The following CAPRIN1 variants were observed in gnomAD, a reference collection of about 807,000 sequenced individuals.
The protein encoded by CAPRIN1 is caprin-1.
In CAPRIN1, 29 loss-of-function variants were observed where a neutral mutation model predicts 100.9. The observed-to-expected ratio is 0.29, with a 90% confidence interval of 0.21 to 0.39. The LOEUF (loss-of-function observed/expected upper bound fraction) is 0.39. CAPRIN1 is among the 10% of genes least tolerant of loss of function. The pLI is 1.00. For synonymous variants in CAPRIN1, 338 were observed against 307.5 expected (o/e 1.10, Z -1.04); for missense variants, 795 against 876.7 (o/e 0.91, Z 1.18).
chr11:34,076,734 T>A, intron 6 of CAPRIN1, 92 bp downstream of exon 6: 1 of 938,736 alleles, frequency 1.1e-6, no homozygotes, highest in Non-Finnish European at 1.6e-6. Context: ...AGAAAAAAAT[T>A]AGTTTTTTTT....
At chr11:34,076,995 A>G (rs1362081274) in intron 6 of CAPRIN1, among the ~76,000 whole-genome samples, 1 of 152,224 alleles carries the variant, frequency 6.6e-6, no homozygotes, top group Non-Finnish European at 1.5e-5. Context: ...TGGGCCTCCC[A>G]GAGTGCTGGG....
rs1278025400 is a variant in CAPRIN1, at chr11:34,066,800, AT to A, written c.217-4914del. On this transcript the variant is annotated intron_variant, in intron 2 of 18. Transcript: ENST00000341394. The stretch of plus-strand genomic sequence containing the variant: ...GCCACCATGCCTGGCTAATTTTTGT[AT>A]TTTTTTTTTTTCAGTAGAGTTAGGG... 5.3e-3 allele frequency among the ~76,000 whole-genome samples: 694 copies of A among 129,924 alleles called. 5 individuals carry two copies. The highest frequency in any genetic ancestry group is 0.017 in the African/African-American group (590 of 34,694). The allele number at this position is 129,924 out of a possible 152,430, so 85.2% of individuals were successfully genotyped here. A position where few individuals can be genotyped will look rare whatever the true frequency, so the allele number is the denominator to read the frequency against.
At chr11:34,069,294 T>C (rs998069277) in intron 2 of CAPRIN1, among the ~76,000 whole-genome samples, 1 of 151,740 alleles carries the variant, frequency 6.6e-6, no homozygotes, top group African/African-American at 2.4e-5. Context: ...GGATTACAAG[T>C]GCGCGCCACC....
chr11:34,083,391 C>G (rs925843803), intron 9 of CAPRIN1, among the ~76,000 whole-genome samples: 2 of 152,170 alleles, frequency 1.3e-5, no homozygotes, highest in Non-Finnish European at 2.9e-5. Context: ...CCTCCTTTAC[C>G]CTAATGCTGT....
chr11:34,063,013 A>G (rs1403053113), intron 2 of CAPRIN1: 3 of 151,960 alleles, frequency 2.0e-5, no homozygotes, highest in Admixed American at 6.6e-5. Flanking sequence ...TTCTTCTTAA[A>G]TTTTTTATTT....
chr11:34,073,142 G>A (rs1430148863), intron 4 of CAPRIN1, among the ~76,000 whole-genome samples: 2 of 152,130 alleles, frequency 1.3e-5, no homozygotes, highest in East Asian at 3.8e-4. Context: ...AAACAAAAAA[G>A]TTTATTATAT....
intron 2 of CAPRIN1, among the ~76,000 whole-genome samples, chr11:34,070,983 TGAGCCAC>T (rs1463532158): frequency 2.0e-5 from 3 of 151,980 alleles, no homozygotes; most frequent in Non-Finnish European, 4.4e-5. Context: ...ATTACAGGTG[TGAGCCAC>T]CGTGTTCAGC....
rs1851386555 is a variant in CAPRIN1, at chr11:34,097,305, A to AC, written c.2001+9_2001+10insC. On this transcript the variant is annotated intron_variant, in intron 17 of 18. Coordinates refer to ENST00000341394, the MANE Select transcript of CAPRIN1 (RefSeq NM_005898.5). ...ACTCTGGCTATCAACGGGTAGGTAA[A>AC]GTAGTTCTAAAGTGTAAACCTGAAC... is the stretch of plus-strand genomic sequence containing the variant. The AC allele has an allele frequency of 6.3e-7, 1 of 1,583,158 alleles. No homozygotes were observed. The highest frequency in any genetic ancestry group is 8.7e-7 in the Non-Finnish European group (1 of 1,151,928).
chr11:34,095,233 T>G (rs1851347269), intron 15 of CAPRIN1, among the ~76,000 whole-genome samples: 1 of 63,610 alleles, frequency 1.6e-5, no homozygotes, highest in African/African-American at 6.6e-5. Flanking sequence ...TGATCAAGAT[T>G]AAAAGCTGTT....
intron 2 of CAPRIN1, among the ~76,000 whole-genome samples, chr11:34,068,477 A>AT (rs1850742209): frequency 6.6e-6 from 1 of 152,180 alleles, no homozygotes; most frequent in Admixed American, 6.5e-5. Flanking sequence ...GGAAAATGTA[A>AT]TCTGCGATAG....
chr11:34,063,840 G>C (rs943023943), intron 2 of CAPRIN1, among the ~76,000 whole-genome samples: 1 of 152,060 alleles, frequency 6.6e-6, no homozygotes, highest in Admixed American at 6.5e-5. Flanking sequence ...CGCCCTTGTT[G>C]CCCAGGCTGG....
chr11:34,058,818 C>G (rs1005607836), intron 2 of CAPRIN1, among the ~76,000 whole-genome samples: 10 of 152,186 alleles, frequency 6.6e-5, no homozygotes, highest in Admixed American at 4.6e-4. Flanking sequence ...TCTACTCCAG[C>G]TTGGTATGTT....
Position 34,086,050 on chromosome 11 carries a change from T to C in CAPRIN1, c.967-14T>C. 6.2e-7 allele frequency: 1 copy of C among 1,611,704 alleles called. No individual in the cohort carries two copies. The highest frequency in any genetic ancestry group is 8.5e-7 in the Non-Finnish European group (1 of 1,179,284). ...GCTCTCCTATTCCTTCTAATCCTTTTTTTTCTACCTTAGGTGGTAAATTCA... is the reference window on the plus strand; with the variant it reads ...GCTCTCCTATTCCTTCTAATCCTTTCTTTTCTACCTTAGGTGGTAAATTCA... On this transcript the variant is annotated splice_polypyrimidine_tract_variant and intron_variant, in intron 9 of 18. Transcript: ENST00000341394.
intron 14 of CAPRIN1, among the ~76,000 whole-genome samples, chr11:34,091,377 C>T (rs1851261765): frequency 6.6e-6 from 1 of 152,176 alleles, no homozygotes; most frequent in Non-Finnish European, 1.5e-5. Flanking sequence ...ATATCCGCCT[C>T]CTGGGTTCAA....
At chr11:34,067,248 A>G (rs911119294) in intron 2 of CAPRIN1, among the ~76,000 whole-genome samples, 4 of 151,962 alleles carry the variant, frequency 2.6e-5, no homozygotes, top group Non-Finnish European at 5.9e-5. Flanking sequence ...TTGATTTACT[A>G]CATTTTTTTG....
In CAPRIN1 at chr11:34,083,045, A is replaced by G; in HGVS notation, c.966+4A>G. 1 of 1,604,744 alleles carries G rather than the reference A, an allele frequency of 6.2e-7. No individual in the cohort carries two copies. The highest frequency in any genetic ancestry group is 8.5e-7 in the Non-Finnish European group (1 of 1,171,590). On this transcript the variant is annotated splice_donor_region_variant and intron_variant, in intron 9 of 18. Coordinates refer to ENST00000341394, the MANE Select transcript of CAPRIN1 (RefSeq NM_005898.5). ...GTGGACAGTTGAAACGGTTGAGGTA[A>G]GAGTTCTCTGTATTGCAAAGTTGTT...
rs1227996680 is a variant in CAPRIN1 at position 34,101,068 on chromosome 11, A to G, written c.*1701A>G. On this transcript the variant is annotated 3_prime_UTR_variant, in exon 19 of 19. Coordinates refer to ENST00000341394, the MANE Select transcript of CAPRIN1 (RefSeq NM_005898.5). The stretch of plus-strand genomic sequence containing the variant: ...TACCAAAATGGATAGGCTGTTGAAC[A>G]TTCCACATTCAAAAGTTTTGTAGGG... 6.6e-6 allele frequency: 1 copy of G among 152,656 alleles called. No individual in the cohort carries two copies. Among genetic ancestry groups the G allele is most frequent in the Non-Finnish European group, 1.5e-5 (1 of 68,016 alleles). The allele number at this position is 152,656 out of a possible 1,614,324, so 9.5% of individuals were successfully genotyped here.
rs570456196 is a variant in CAPRIN1 at position 34,052,453 on chromosome 11, C to T, written c.33C>T (p.Gly11=). Reference sequence around the variant, plus strand: ...CGGCCACCAGCCACAGCGGGAGCGGCAGCAAGTCGTCCGGACCGCCACCGC... The same window carrying T: ...CGGCCACCAGCCACAGCGGGAGCGGTAGCAAGTCGTCCGGACCGCCACCGC... MPSATSHSGS[G]SKSSGPPPPS... Residue 11 remains glycine (G), a synonymous_variant, in exon 2 of 19, where the codon GGC becomes GGT. Coordinates refer to ENST00000341394, the MANE Select transcript of CAPRIN1 (RefSeq NM_005898.5). The T allele has an allele frequency of 2.5e-6, 4 of 1,607,560 alleles. No individual in the cohort carries two copies. Among genetic ancestry groups the T allele is most frequent in the African/African-American group, 2.7e-5 (2 of 74,634 alleles).
chr11:34,052,043 C>A (rs1204009487), intron 1 of CAPRIN1, 172 bp downstream of exon 1: 3 of 135,382 alleles, frequency 2.2e-5, no homozygotes, highest in Non-Finnish European at 4.6e-5. Context: ...CTCTCTCTTT[C>A]CTCCCTTCTC....
Sources: allele counts gnomAD v4.1 joint callset (sites outside exome capture counted in the v4.1 genomes callset), GRCh38; gene constraint gnomAD v4.1.1; transcripts MANE v1.5; gene names NCBI Gene and HGNC (gene_info 2026-07-23, HGNC 2026-07-21).